The following DCLRE1C variants were observed in gnomAD, a reference collection of about 807,000 sequenced individuals.
DCLRE1C encodes the protein protein artemis.
DCLRE1C carries 47 observed loss-of-function variants against 61.4 expected under a neutral mutation model. That is an observed-to-expected ratio of 0.77 (90% CI 0.61 to 0.98). DCLRE1C has a LOEUF of 0.98. Among genes scored for constraint, DCLRE1C ranks in the 50% least tolerant of loss-of-function variants. The probability of loss-of-function intolerance (pLI) is 0.00; values close to 1 mark genes in which losing one functional copy is unlikely to be tolerated. For synonymous variants in DCLRE1C, 337 were observed against 287.6 expected (o/e 1.17, Z -1.74); for missense variants, 858 against 816.0 (o/e 1.05, Z -0.63).
rs776902614 is a variant in DCLRE1C at position 14,904,843 on chromosome 10, TC to T, written c.*3564del. 1.7e-3 allele frequency among the ~76,000 whole-genome samples: 257 copies of T among 152,338 alleles called. No individual in the cohort carries two copies. Among genetic ancestry groups the T allele is most frequent in the Non-Finnish European group, 3.0e-3 (207 of 68,018 alleles). ...TAAGACAAATATCAAAGGTAATAGA[TC>T]CAGTTTAAAAGGTGAATCCACTGTA... On this transcript the variant is annotated 3_prime_UTR_variant, in exon 14 of 14. Coordinates refer to ENST00000378278, the MANE Select transcript of DCLRE1C (RefSeq NM_001033855.3).
At chr10:14,936,183 C>G (rs1047308388) in intron 5 of DCLRE1C, among the ~76,000 whole-genome samples, 6 of 152,204 alleles carry the variant, frequency 3.9e-5, no homozygotes, top group Admixed American at 3.3e-4. Flanking sequence ...TGTGAGCCAC[C>G]ACACCTGGCC....
downstream of DCLRE1C, chr10:14,902,281 T>C: frequency 5.9e-6 from 3 of 507,214 alleles, no homozygotes; most frequent in Non-Finnish European, 1.0e-5. Context: ...TAACTTACTC[T>C]AAGGGTCTTG....
intron 3 of DCLRE1C, among the ~76,000 whole-genome samples, chr10:14,943,736 A>G (rs1841242270): frequency 6.6e-6 from 1 of 152,112 alleles, no homozygotes; most frequent in Admixed American, 6.6e-5. Flanking sequence ...TTTAGTAGAC[A>G]CGGGGTTTCG....
chr10:14,920,353 G>A lies in DCLRE1C; in HGVS notation c.1062-521C>T, dbSNP rs1459579404. 7 of 1,031,440 alleles carry A rather than the reference G, an allele frequency of 6.8e-6. No individual in the cohort carries two copies. The East Asian group carries it at 6.2e-4, about 91-fold the overall frequency. 63.9% of individuals were successfully genotyped at this position (1,031,440 alleles called of 1,614,324 possible). A position where few individuals can be genotyped will look rare whatever the true frequency, so the allele number is the denominator to read the frequency against. ...AGTGGAGATAAAATACAAAAAGGCA[G>A]AGAAATAAGATTTGAAGACGTCCTA... On this transcript the variant is annotated intron_variant, in intron 12 of 13. Coordinates refer to ENST00000378278, the MANE Select transcript of DCLRE1C (RefSeq NM_001033855.3).
intron 13 of DCLRE1C, among the ~76,000 whole-genome samples, chr10:14,917,659 A>G (rs1238273909): frequency 6.6e-6 from 1 of 152,154 alleles, no homozygotes; most frequent in Non-Finnish European, 1.5e-5. Context: ...CTCCATGTCT[A>G]CAAAAAATAT....
At chr10:14,899,450 T>C in intron 13 of DCLRE1C, 2 of 1,368,426 alleles carry the variant, frequency 1.5e-6, no homozygotes, top group Non-Finnish European at 2.0e-6. Flanking sequence ...TTTTAAATAT[T>C]TGTAGGTATT....
chr10:14,921,902 G>A (rs41299678), intron 12 of DCLRE1C, among the ~76,000 whole-genome samples: 79 of 152,302 alleles, frequency 5.2e-4, no homozygotes, highest in African/African-American at 1.7e-3. Flanking sequence ...CTCCAACCCA[G>A]ACCTCTCTCC....
At chr10:14,897,434 C>G in exon 14 of DCLRE1C, 1 of 1,612,630 alleles carries the variant, frequency 6.2e-7, no homozygotes, top group Non-Finnish European at 8.5e-7. Flanking sequence ...TTGCATCTTT[C>G]GAACTAGCAA....
At chr10:14,952,071 A>C (rs1842536215) in intron 1 of DCLRE1C, among the ~76,000 whole-genome samples, 1 of 152,186 alleles carries the variant, frequency 6.6e-6, no homozygotes, top group Admixed American at 6.5e-5. Flanking sequence ...AACAGTAGGG[A>C]AGAGTCCATT....
intron 9 of DCLRE1C, among the ~76,000 whole-genome samples, chr10:14,932,412 C>A (rs529879110): frequency 6.6e-6 from 1 of 151,920 alleles, no homozygotes; most frequent in African/African-American, 2.4e-5. Context: ...CCGAGGGAGG[C>A]GGATCACGAG....
At position 14,908,187 on chromosome 10, in the gene DCLRE1C, TGTAAGTAGAGACACA is replaced by T; in HGVS notation, c.*206_*220del. On this transcript the variant is annotated 3_prime_UTR_variant, in exon 14 of 14. Coordinates refer to ENST00000378278, the MANE Select transcript of DCLRE1C (RefSeq NM_001033855.3). ...TGGCTTTTTTTTTTTTTTTTTTTTT[TGTAAGTAGAGACACA>T]TTTCACTGTGTTGGCCAGGCTGGTG... 1 of 230,634 alleles carries T rather than the reference TGTAAGTAGAGACACA, an allele frequency of 4.3e-6. No individual in the cohort carries two copies. Among genetic ancestry groups the T allele is most frequent in the South Asian group, 1.5e-4 (1 of 6,862 alleles). The allele number at this position is 230,634 out of a possible 1,614,324, so 14.3% of individuals were successfully genotyped here. A position where few individuals can be genotyped will look rare whatever the true frequency, so the allele number is the denominator to read the frequency against.
intron 9 of DCLRE1C, 61 bp downstream of exon 9, chr10:14,932,793 G>C: frequency 6.3e-7 from 1 of 1,588,772 alleles, no homozygotes; most frequent in Non-Finnish European, 8.6e-7. Context: ...TGGAAGCCCT[G>C]ACCTTTCTTC....
chr10:14,929,412 A>G lies in DCLRE1C; in HGVS notation c.781-1260T>C, dbSNP rs1164023709. On this transcript the variant is annotated intron_variant, in intron 9 of 13. Transcript: ENST00000378278. ...GAGCGAAACTCTATCTCAAAAAACC[A>G]TTTTTTTTTAATTAAAAAAAAAAAA... 2.1e-5 allele frequency among the ~76,000 whole-genome samples: 3 copies of G among 143,542 alleles called. No individual in the cohort carries two copies. In the East Asian group the frequency reaches 6.0e-4, roughly 29 times the overall value. 94.2% of individuals were successfully genotyped at this position (143,542 alleles called of 152,430 possible).
intron 1 of DCLRE1C, among the ~76,000 whole-genome samples, chr10:14,951,146 A>G (rs1340236256): frequency 6.6e-6 from 1 of 152,072 alleles, no homozygotes; most frequent in African/African-American, 2.4e-5. Flanking sequence ...TGGGAGGCTG[A>G]GGTGAGTGGA....
At position 14,908,362 on chromosome 10, in the gene DCLRE1C, G is replaced by C; in HGVS notation, c.*46C>G. 2.2e-6 allele frequency: 3 copies of C among 1,391,822 alleles called. No homozygotes were observed. Among genetic ancestry groups the C allele is most frequent in the Non-Finnish European group, 3.1e-6 (3 of 981,140 alleles). 86.2% of individuals were successfully genotyped at this position (1,391,822 alleles called of 1,614,324 possible). ...TATTGTAATATTGACTGTCATCTCT[G>C]TGCAGGTTTTTTAGTGGTTGCTCTA... On this transcript the variant is annotated 3_prime_UTR_variant, in exon 14 of 14. Transcript: ENST00000378278.
At chr10:14,926,782 C>A in intron 11 of DCLRE1C, 61 bp downstream of exon 11, 3 of 1,359,538 alleles carry the variant, frequency 2.2e-6, no homozygotes, top group South Asian at 2.3e-5. Flanking sequence ...GACTACCTGT[C>A]AACTACCAAG....
chr10:14,908,687 A>AT lies in DCLRE1C; in HGVS notation c.1799dup (p.Asp600GlufsTer5). ...CTCTGCTTTTCAAATCAGAGTAAGT[A>AT]TCCTTTGGGCAAATTACATTTTGTT... On this transcript the variant is annotated frameshift_variant, in exon 14 of 14. Transcript: ENST00000378278. LOFTEE classifies it low-confidence loss of function (END_TRUNC). 6.2e-7 allele frequency: 1 copy of AT among 1,614,208 alleles called. No homozygotes were observed. Among genetic ancestry groups the AT allele is most frequent in the Non-Finnish European group, 8.5e-7 (1 of 1,180,032 alleles).
At chr10:14,919,970 A>G (rs945316140) in intron 12 of DCLRE1C, 138 bp from the exon 13 acceptor site, 2 of 722,078 alleles carry the variant, frequency 2.8e-6, no homozygotes, top group African/African-American at 3.5e-5. Flanking sequence ...CTTGACCATA[A>G]GGGAAATCAC....
In DCLRE1C at chr10:14,923,088, C is replaced by T. The variant is rs777226853; in HGVS notation, c.973-19G>A. ...CTTTAATCTAGAAAAAGGAAAATCA[C>T]ATGGATCAACAATCTCTACGATGAA... is the stretch of plus-strand genomic sequence containing the variant. On this transcript the variant is annotated intron_variant, in intron 11 of 13. Transcript: ENST00000378278. 3 of 1,559,098 alleles carry T rather than the reference C, an allele frequency of 1.9e-6. No homozygotes were observed. Among genetic ancestry groups the T allele is most frequent in the African/African-American group, 1.4e-5 (1 of 73,790 alleles).
Sources: allele counts gnomAD v4.1 joint callset (sites outside exome capture counted in the v4.1 genomes callset), GRCh38; gene constraint gnomAD v4.1.1; transcripts MANE v1.5; gene names NCBI Gene and HGNC (gene_info 2026-07-23, HGNC 2026-07-21).